The following HECW2 variants were observed in gnomAD, a reference collection of about 807,000 sequenced individuals.
HECW2 encodes HECT, C2 and WW domain containing E3 ubiquitin protein ligase 2.
HECW2 carries 61 observed loss-of-function variants against 175.2 expected under a neutral mutation model. That is an observed-to-expected ratio of 0.35 (90% CI 0.28 to 0.43). HECW2 has a LOEUF of 0.43. Ranked by LOEUF, HECW2 falls within the 20% of genes least tolerant of loss-of-function variation. HECW2 has a pLI of 1.00. For synonymous variants in HECW2, 671 were observed against 731.0 expected (o/e 0.92, Z 1.32); for missense variants, 1,524 against 2,000.5 (o/e 0.76, Z 4.54).
At chr2:196,476,442 C>CAAA (rs763469865) in intron 1 of HECW2, among the ~76,000 whole-genome samples, 3 of 77,358 alleles carry the variant, frequency 3.9e-5, no homozygotes, top group Non-Finnish European at 5.2e-5. Flanking sequence ...GACTCCATCT[C>CAAA]AAAAAAAAAA....
chr2:196,494,267 C>T (rs1042669369), intron 1 of HECW2, among the ~76,000 whole-genome samples: 8 of 152,044 alleles, frequency 5.3e-5, no homozygotes, highest in Non-Finnish European at 7.4e-5. Context: ...GATATGCTGG[C>T]GGGGGCTGGG....
chr2:196,474,166 T>C lies in HECW2; in HGVS notation c.-35-40708A>G, dbSNP rs2125358006. ...CCTTCAAGCTAGTGATCTTGGTTAC[T>C]GCCAATAGCATTCATAATAAACAGG... On this transcript the variant is annotated intron_variant, in intron 1 of 28. Coordinates refer to ENST00000644978, the MANE Select transcript of HECW2 (RefSeq NM_001348768.2). 2.0e-5 allele frequency among the ~76,000 whole-genome samples: 3 copies of C among 152,390 alleles called. No individual in the cohort carries two copies. The South Asian group carries it at 6.2e-4, about 32-fold the overall frequency.
At chr2:196,367,507 CTTAG>C (rs956820925) in intron 2 of HECW2, among the ~76,000 whole-genome samples, 2 of 152,168 alleles carry the variant, frequency 1.3e-5, no homozygotes, top group Non-Finnish European at 2.9e-5. Context: ...CAATTATACT[CTTAG>C]TTACTTTTAA....
intron 16 of HECW2, among the ~76,000 whole-genome samples, chr2:196,273,815 T>C (rs992283764): frequency 2.0e-5 from 3 of 152,206 alleles, no homozygotes; most frequent in Non-Finnish European, 4.4e-5. Context: ...TAAAAAACAA[T>C]CTCATCCTTT....
chr2:196,489,448 G>A (rs1687114222), intron 1 of HECW2, among the ~76,000 whole-genome samples: 1 of 141,218 alleles, frequency 7.1e-6, no homozygotes, highest in African/African-American at 3.0e-5. Context: ...AGGGACTAAT[G>A]AGTGACCAGA....
intron 1 of HECW2, among the ~76,000 whole-genome samples, chr2:196,438,094 A>C (rs1321313320): frequency 6.6e-6 from 1 of 152,176 alleles, no homozygotes; most frequent in Non-Finnish European, 1.5e-5. Flanking sequence ...CTAAGAAAAC[A>C]GGAAATATTT....
At chr2:196,339,348 A>T (rs183438427) in intron 3 of HECW2, among the ~76,000 whole-genome samples, 84 of 152,356 alleles carry the variant, frequency 5.5e-4, no homozygotes, top group Non-Finnish European at 8.8e-5. Flanking sequence ...TGTCACTTGC[A>T]TACTGTTTCC....
At chr2:196,451,715 A>G (rs1696353698) in intron 1 of HECW2, among the ~76,000 whole-genome samples, 5 of 151,992 alleles carry the variant, frequency 3.3e-5, no homozygotes, top group African/African-American at 1.2e-4. Flanking sequence ...CCTGGCCAAC[A>G]TGGTGAAACC....
intron 2 of HECW2, among the ~76,000 whole-genome samples, chr2:196,405,870 G>A (rs1358504): frequency 0.58 from 88,717 of 151,712 alleles, 29,082 homozygotes; most frequent in East Asian, 0.91. Flanking sequence ...CACCAATCCT[G>A]TCAAGACACC....
At chr2:196,516,426 T>C (rs76932446) in intron 1 of HECW2, among the ~76,000 whole-genome samples, 2,206 of 152,342 alleles carry the variant, frequency 0.014, 24 homozygotes, top group Admixed American at 0.028. Flanking sequence ...AAGGAACATG[T>C]GTACTGTTTT....
At chr2:196,526,453 C>T (rs1287777204) in intron 1 of HECW2, among the ~76,000 whole-genome samples, 2 of 151,596 alleles carry the variant, frequency 1.3e-5, no homozygotes, top group African/African-American at 4.9e-5. Context: ...GTAATTTGAT[C>T]GTCTGAAGCC....
At chr2:196,427,846 G>A (rs1250028343) in intron 2 of HECW2, among the ~76,000 whole-genome samples, 1 of 152,132 alleles carries the variant, frequency 6.6e-6, no homozygotes, top group East Asian at 1.9e-4. Context: ...TTTGAGAACT[G>A]TGTTCACACC....
intron 2 of HECW2, among the ~76,000 whole-genome samples, chr2:196,388,592 T>C (rs1466245820): frequency 6.6e-6 from 1 of 152,208 alleles, no homozygotes; most frequent in Non-Finnish European, 1.5e-5. Context: ...AATCCAGATA[T>C]CTGGCTTCAG....
At chr2:196,394,152 TGA>T (rs1186520712) in intron 2 of HECW2, among the ~76,000 whole-genome samples, 7 of 95,572 alleles carry the variant, frequency 7.3e-5, no homozygotes, top group African/African-American at 3.1e-4. Context: ...TGTCCGGGGG[TGA>T]GGGGGGAGAG....
intron 1 of HECW2, among the ~76,000 whole-genome samples, chr2:196,458,474 AG>A (rs1696605349): frequency 6.6e-6 from 1 of 151,134 alleles, no homozygotes. Context: ...ACACACCCCA[AG>A]GGGATGAAAA....
chr2:196,220,064 C>T lies in HECW2; in HGVS notation c.4383G>A (p.Trp1461Ter). 1 of 1,610,266 alleles carries T rather than the reference C, an allele frequency of 6.2e-7. No individual in the cohort carries two copies. Among genetic ancestry groups the T allele is most frequent in the Admixed American group, 1.7e-5 (1 of 59,980 alleles). ...CTCCTCTATATTCTGTGTTGTTTCTCCAATCACTTAGGTCTATTTCAGCTG... is the reference window on the plus strand; with the variant it reads ...CTCCTCTATATTCTGTGTTGTTTCTTCAATCACTTAGGTCTATTTCAGCTG... The part of the protein sequence containing the change: ...AGTAEIDLSD[W>*]RNNTEYRGGY... The change falls in exon 26 of 29, where the codon TGG becomes TGA. Residue 1461 changes from tryptophan (W) to a stop codon, truncating the protein, a stop_gained. Coordinates refer to ENST00000644978, the MANE Select transcript of HECW2 (RefSeq NM_001348768.2). LOFTEE classifies it high-confidence loss of function.
At chr2:196,471,842 G>T (rs188308407) in intron 1 of HECW2, among the ~76,000 whole-genome samples, 3 of 152,042 alleles carry the variant, frequency 2.0e-5, no homozygotes, top group Admixed American at 2.0e-4. Flanking sequence ...GGAGGGAGAG[G>T]ATCAGAAAAA....
intron 1 of HECW2, among the ~76,000 whole-genome samples, chr2:196,563,203 A>C (rs1690065719): frequency 6.6e-6 from 1 of 152,214 alleles, no homozygotes; most frequent in East Asian, 1.9e-4. Context: ...GTTTGTGTAA[A>C]ATGTCTAAAC....
At chr2:196,415,612 C>CT (rs397712666) in intron 2 of HECW2, among the ~76,000 whole-genome samples, 1 of 738 alleles carries the variant, frequency 1.4e-3, no homozygotes, top group East Asian at 0.5. Context: ...GCTGAGCTTT[C>CT]GTGCATGACA....
Sources: allele counts gnomAD v4.1 joint callset (sites outside exome capture counted in the v4.1 genomes callset), GRCh38; gene constraint gnomAD v4.1.1; transcripts MANE v1.5; gene names NCBI Gene and HGNC (gene_info 2026-07-23, HGNC 2026-07-21).